The following RFC3 variants were observed in gnomAD, a reference collection of about 807,000 sequenced individuals.
The protein encoded by RFC3 is A1 38 kDa subunit.
In RFC3, 41 loss-of-function variants were observed where a neutral mutation model predicts 45.1. The observed-to-expected ratio is 0.91, with a 90% CI of 0.71 to 1.18. The LOEUF is 1.18. RFC3 is among the 50% of genes most tolerant of loss of function. The probability of loss-of-function intolerance (pLI) is 0.00; values close to 1 mark genes in which losing one functional copy is unlikely to be tolerated. For synonymous variants in RFC3, 149 were observed against 144.0 expected (o/e 1.03, Z -0.25); for missense variants, 423 against 428.1 (o/e 0.99, Z 0.10).
chr13:33,930,105 A>G lies in RFC3; in HGVS notation c.880-35982A>G, dbSNP rs112017852. Among the ~76,000 whole-genome samples the G allele has an allele frequency of 4.6e-3, 695 of 152,162 alleles. 8 individuals carry two copies. Among genetic ancestry groups the G allele is most frequent in the African/African-American group, 0.016 (659 of 41,530 alleles). On this transcript the variant is annotated intron_variant, in intron 8 of 8. Coordinates refer to the RFC3 transcript ENST00000434425. ...CTAAAGAGACTTAATTCTTTCATCTATTAGCTAATTCATCTATCAGCTTGT... is the reference window on the plus strand; with the variant it reads ...CTAAAGAGACTTAATTCTTTCATCTGTTAGCTAATTCATCTATCAGCTTGT...
chr13:33,938,336 C>T (rs1593705688), intron 8 of RFC3, among the ~76,000 whole-genome samples: 1 of 152,062 alleles, frequency 6.6e-6, no homozygotes, highest in East Asian at 1.9e-4. Flanking sequence ...TTTTAAAAAT[C>T]ATAAATATAT....
At chr13:33,862,634 G>A (rs2082348495) in intron 8 of RFC3, among the ~76,000 whole-genome samples, 1 of 152,012 alleles carries the variant, frequency 6.6e-6, no homozygotes, top group Non-Finnish European at 1.5e-5. Context: ...AATATAATAT[G>A]TATGTATTAC....
At chr13:33,890,326 A>G (rs1430779922) in intron 8 of RFC3, among the ~76,000 whole-genome samples, 1 of 152,172 alleles carries the variant, frequency 6.6e-6, no homozygotes, top group African/African-American at 2.4e-5. Context: ...ATTTGGTTCC[A>G]TCCATGCCCA....
chr13:33,913,078 C>A (rs9285101), intron 8 of RFC3, among the ~76,000 whole-genome samples: 10,155 of 152,100 alleles, frequency 0.067, 522 homozygotes, highest in African/African-American at 0.14. Context: ...AGCTTTAGAC[C>A]ATTTGAATTT....
In RFC3 at chr13:33,821,187, A is replaced by G. The variant is rs1208759715; in HGVS notation, c.143A>G (p.Lys48Arg). ...LLVYGPSGAG[K>R]KTRIMCILRE... ...GTGTACGGACCATCAGGTGCTGGAA[A>G]AAAGACAAGAATTATGTGTATTCTA... Residue 48 changes from lysine (K) to arginine (R), a missense_variant, in exon 2 of 9, where the codon AAA becomes AGA. Coordinates refer to ENST00000380071, the MANE Select transcript of RFC3 (RefSeq NM_002915.4). 1 of 1,613,860 alleles carries G rather than the reference A, an allele frequency of 6.2e-7. No individual in the cohort carries two copies. The highest frequency in any genetic ancestry group is 8.5e-7 in the Non-Finnish European group (1 of 1,179,818).
chr13:33,869,391 T>A (rs1203532793), intron 8 of RFC3, among the ~76,000 whole-genome samples: 1 of 70,540 alleles, frequency 1.4e-5, no homozygotes, highest in African/African-American at 3.4e-5. Flanking sequence ...AAAAACTGTG[T>A]AGATTTTTTT....
intron 8 of RFC3, among the ~76,000 whole-genome samples, chr13:33,960,104 C>G (rs1487830700): frequency 6.6e-6 from 1 of 152,036 alleles, no homozygotes; most frequent in Admixed American, 6.6e-5. Flanking sequence ...GAGAAATCCA[C>G]CCCCATGATC....
intron 1 of RFC3, among the ~76,000 whole-genome samples, chr13:33,819,934 CAGGCAGTATA>C (rs2081986232): frequency 1.3e-5 from 2 of 152,262 alleles, no homozygotes; most frequent in Non-Finnish European, 2.9e-5. Flanking sequence ...TGCCATTTTC[CAGGCAGTATA>C]TTAGATTGAA....
At chr13:33,889,254 G>A (rs977207407) in intron 8 of RFC3, among the ~76,000 whole-genome samples, 1 of 152,122 alleles carries the variant, frequency 6.6e-6, no homozygotes, top group Non-Finnish European at 1.5e-5. Flanking sequence ...GATATTTTGA[G>A]GAACATTTAG....
chr13:33,927,544 T>C (rs1566031751), intron 8 of RFC3, among the ~76,000 whole-genome samples: 1 of 152,176 alleles, frequency 6.6e-6, no homozygotes, highest in South Asian at 2.1e-4. Flanking sequence ...CTCCTTGTGC[T>C]GTTGTCCATG....
chr13:33,885,191 GTGTA>G (rs2082512425), intron 8 of RFC3, among the ~76,000 whole-genome samples: 1 of 152,100 alleles, frequency 6.6e-6, no homozygotes, highest in Non-Finnish European at 1.5e-5. Context: ...CTGCATTCTA[GTGTA>G]TGGAATTCTA....
intron 8 of RFC3, among the ~76,000 whole-genome samples, chr13:33,882,823 C>CT (rs1178783954): frequency 1.3e-5 from 2 of 152,218 alleles, no homozygotes; most frequent in Admixed American, 1.3e-4. Flanking sequence ...TCTCATCATT[C>CT]TAATTGTGTC....
chr13:33,877,982 A>G (rs2137587086), intron 8 of RFC3, among the ~76,000 whole-genome samples: 1 of 151,994 alleles, frequency 6.6e-6, no homozygotes, highest in South Asian at 2.1e-4. Flanking sequence ...GATCTTGTCA[A>G]GTTAGTAACT....
intron 8 of RFC3, among the ~76,000 whole-genome samples, chr13:33,935,398 G>A (rs2082879856): frequency 6.6e-6 from 1 of 152,146 alleles, no homozygotes; most frequent in Non-Finnish European, 1.5e-5. Context: ...AATATCCCAA[G>A]CTGCTTGCTA....
chr13:33,832,275 A>AG (rs1420762696), intron 7 of RFC3, among the ~76,000 whole-genome samples: 1 of 152,132 alleles, frequency 6.6e-6, no homozygotes, highest in Non-Finnish European at 1.5e-5. Flanking sequence ...GACCTTACAG[A>AG]GGGTAGTTGA....
chr13:33,895,836 C>G (rs1432327289), intron 8 of RFC3, among the ~76,000 whole-genome samples: 8 of 152,016 alleles, frequency 5.3e-5, no homozygotes, highest in Non-Finnish European at 1.5e-5. Flanking sequence ...TAAAAACGAA[C>G]AAAAAATAAT....
chr13:33,914,314 TTATC>T (rs1345256933), intron 8 of RFC3, among the ~76,000 whole-genome samples: 4 of 152,124 alleles, frequency 2.6e-5, no homozygotes, highest in Non-Finnish European at 5.9e-5. Context: ...TGAAAAGTAA[TTATC>T]TATCCATTCA....
intron 8 of RFC3, among the ~76,000 whole-genome samples, chr13:33,916,220 C>T (rs550216467): frequency 6.6e-6 from 1 of 152,194 alleles, no homozygotes; most frequent in Non-Finnish European, 1.5e-5. Context: ...GTATAGTGCA[C>T]ATCTGAACTT....
intron 8 of RFC3, among the ~76,000 whole-genome samples, chr13:33,959,894 C>T (rs941334368): frequency 1.3e-5 from 2 of 152,112 alleles, no homozygotes; most frequent in Non-Finnish European, 2.9e-5. Context: ...AGCATAGCGC[C>T]GGCATCACTC....
Sources: allele counts gnomAD v4.1 joint callset (sites outside exome capture counted in the v4.1 genomes callset), GRCh38; gene constraint gnomAD v4.1.1; transcripts MANE v1.5; gene names NCBI Gene and HGNC (gene_info 2026-07-23, HGNC 2026-07-21).